ASXL3: variants seen among roughly 807,000 people sequenced by gnomAD.
The protein encoded by ASXL3 is ASXL transcriptional regulator 3, also known as putative Polycomb group protein ASXL3.
ASXL3 carries 34 observed loss-of-function variants against 170.6 expected under a neutral mutation model. That is an observed-to-expected ratio of 0.20 (90% CI 0.15 to 0.27). The LOEUF (loss-of-function observed/expected upper bound fraction) is 0.27. ASXL3 is among the 10% of genes least tolerant of loss of function. The pLI is 1.00. For synonymous variants in ASXL3, 1,002 were observed against 989.1 expected (o/e 1.01, Z -0.24); for missense variants, 2,592 against 2,695.3 (o/e 0.96, Z 0.85).
At chr18:33,584,103 T>G (rs903825173) in intron 1 of ASXL3, among the ~76,000 whole-genome samples, 1 of 152,110 alleles carries the variant, frequency 6.6e-6, no homozygotes, top group Non-Finnish European at 1.5e-5. Context: ...GCTCAATGGA[T>G]TAGGTGAAAC....
chr18:33,739,110 C>A lies in ASXL3; in HGVS notation c.1706C>A (p.Thr569Asn), dbSNP rs758147256. ...TCAGAAACTGCAGTAGAGACCAGTACCCCCAAAATAAAAACAGGGTCATCT... is the reference window on the plus strand; with the variant it reads ...TCAGAAACTGCAGTAGAGACCAGTAACCCCAAAATAAAAACAGGGTCATCT... ...KESETAVETS[T>N]PKIKTGSSSL... The change falls in exon 11 of 12, where the codon ACC becomes AAC. Residue 569 changes from threonine (T) to asparagine (N), a missense_variant. Coordinates refer to ENST00000269197, the MANE Select transcript of ASXL3 (RefSeq NM_030632.3). The A allele has an allele frequency of 1.7e-5, 27 of 1,613,134 alleles. No homozygotes were observed. The East Asian group carries it at 3.6e-4, about 21-fold the overall frequency.
chr18:33,722,199 A>G (rs1341082081), intron 8 of ASXL3, among the ~76,000 whole-genome samples: 2 of 152,080 alleles, frequency 1.3e-5, no homozygotes, highest in Non-Finnish European at 2.9e-5. Flanking sequence ...AATGGCCTCT[A>G]AGAGTTAAAG....
At chr18:33,627,236 G>T (rs925763113) in intron 2 of ASXL3, among the ~76,000 whole-genome samples, 1 of 152,168 alleles carries the variant, frequency 6.6e-6, no homozygotes. Flanking sequence ...AAGGTTATGA[G>T]AGTGATTCCC....
intron 1 of ASXL3, among the ~76,000 whole-genome samples, chr18:33,599,003 T>C (rs2065156878): frequency 6.6e-6 from 1 of 152,190 alleles, no homozygotes; most frequent in Non-Finnish European, 1.5e-5. Context: ...TGAACTCATA[T>C]GCATGTTAGA....
chr18:33,603,244 C>G (rs1265626797), intron 1 of ASXL3, among the ~76,000 whole-genome samples: 1 of 151,918 alleles, frequency 6.6e-6, no homozygotes, highest in African/African-American at 2.4e-5. Flanking sequence ...TTGAGAGACA[C>G]CAAGGAATTC....
intron 2 of ASXL3, among the ~76,000 whole-genome samples, chr18:33,619,814 G>A (rs1353604572): frequency 6.6e-6 from 1 of 152,038 alleles, no homozygotes; most frequent in Non-Finnish European, 1.5e-5. Flanking sequence ...CTACACTTGT[G>A]GAAACAATTG....
chr18:33,705,658 T>C (rs961198866), intron 8 of ASXL3, among the ~76,000 whole-genome samples: 1 of 151,896 alleles, frequency 6.6e-6, no homozygotes, highest in Non-Finnish European at 1.5e-5. Context: ...ACTGTATTTA[T>C]CTTTATTGTT....
chr18:33,739,077 A>G lies in ASXL3; in HGVS notation c.1673A>G (p.His558Arg). The change falls in exon 11 of 12, where the codon CAT (histidine) becomes CGT (arginine). Residue 558 changes from histidine to arginine, a missense_variant. Around this residue, in one of 4 missense-constraint regions of ASXL3, gnomAD observed 2,246 missense variants for 2,219.6 expected, o/e 1.01. Transcript: ENST00000269197. ...ATGACTCATGTCAGTGACACAGAAC[A>G]TAAGGAGTCAGAAACTGCAGTAGAG... ...SSMTHVSDTE[H>R]KESETAVETS... 1 of 1,613,286 alleles carries G rather than the reference A, an allele frequency of 6.2e-7. No homozygotes were observed. The highest frequency in any genetic ancestry group is 8.5e-7 in the Non-Finnish European group (1 of 1,179,650).
chr18:33,705,357 G>GT (rs1192314157), intron 8 of ASXL3, among the ~76,000 whole-genome samples: 4 of 148,010 alleles, frequency 2.7e-5, no homozygotes, highest in African/African-American at 9.9e-5. Context: ...TGGAAAATGT[G>GT]TTTTTTGTTT....
intron 7 of ASXL3, among the ~76,000 whole-genome samples, chr18:33,676,576 T>G (rs2066434139): frequency 1.3e-5 from 2 of 152,220 alleles, no homozygotes; most frequent in African/African-American, 2.4e-5. Flanking sequence ...ACTGTTCTGA[T>G]ATGCATAAAA....
chr18:33,628,720 CT>C (rs573212372), intron 2 of ASXL3, among the ~76,000 whole-genome samples: 2 of 148,292 alleles, frequency 1.3e-5, no homozygotes, highest in African/African-American at 4.9e-5. Context: ...TTTATAAAAG[CT>C]TTTTTTGTTT....
At chr18:33,654,255 A>G (rs1486939227) in intron 4 of ASXL3, among the ~76,000 whole-genome samples, 3 of 152,138 alleles carry the variant, frequency 2.0e-5, no homozygotes, top group East Asian at 3.9e-4. Flanking sequence ...ACAACAAACT[A>G]CTTCTCAAAA....
At chr18:33,656,652 A>G (rs1315397740) in intron 4 of ASXL3, among the ~76,000 whole-genome samples, 1 of 152,104 alleles carries the variant, frequency 6.6e-6, no homozygotes, top group Non-Finnish European at 1.5e-5. Context: ...TAAATAAGAC[A>G]ATGAGTAAAG....
At chr18:33,606,899 C>T (rs1475386795) in intron 1 of ASXL3, among the ~76,000 whole-genome samples, 1 of 151,976 alleles carries the variant, frequency 6.6e-6, no homozygotes, top group Non-Finnish European at 1.5e-5. Flanking sequence ...TGGAAATAAT[C>T]AGCTATGTCC....
chr18:33,625,688 A>G (rs1433573613), intron 2 of ASXL3: 1 of 152,110 alleles, frequency 6.6e-6, no homozygotes, highest in Non-Finnish European at 1.5e-5. Flanking sequence ...TGACATAGGA[A>G]CCAAAATATA....
At chr18:33,639,005 A>T (rs917865897) in intron 2 of ASXL3, among the ~76,000 whole-genome samples, 1 of 152,216 alleles carries the variant, frequency 6.6e-6, no homozygotes, top group African/African-American at 2.4e-5. Context: ...ATTAGAAATT[A>T]AAATCTTTTT....
chr18:33,678,388 A>G (rs1236897011), intron 7 of ASXL3, among the ~76,000 whole-genome samples: 1 of 152,184 alleles, frequency 6.6e-6, no homozygotes, highest in Non-Finnish European at 1.5e-5. Context: ...TGCACACTTC[A>G]TGCATAATCC....
chr18:33,585,735 A>G (rs2065029377), intron 1 of ASXL3, among the ~76,000 whole-genome samples: 1 of 152,250 alleles, frequency 6.6e-6, no homozygotes, highest in Non-Finnish European at 1.5e-5. Context: ...CTTTGGAGGA[A>G]CTTTTAGAAT....
chr18:33,746,579 G>A lies in ASXL3; in HGVS notation c.6731G>A (p.Cys2244Tyr), dbSNP rs1053198830. 2 of 1,590,000 alleles carry A rather than the reference G, an allele frequency of 1.3e-6. No homozygotes were observed. Among genetic ancestry groups the A allele is most frequent in the Non-Finnish European group, 1.7e-6 (2 of 1,165,506 alleles). The change falls in exon 12 of 12, where the codon TGC (cysteine) becomes TAC (tyrosine). Residue 2244 changes from cysteine (C) to tyrosine (Y), a missense_variant. Physicochemically the swap from Cys to Tyr is radical, Grantham distance 194. Coordinates refer to ENST00000269197, the MANE Select transcript of ASXL3 (RefSeq NM_030632.3). ...GGTCCTTCAAAACTTTGTGTAGCAT[G>A]CCTGGTTGTACGATAAGAGCTGAGT... Reference protein sequence around the residue: ...CIGPSKLCVACLVVR With the variant: ...CIGPSKLCVAYLVVR
Sources: allele counts gnomAD v4.1 joint callset (sites outside exome capture counted in the v4.1 genomes callset), GRCh38; gene constraint gnomAD v4.1.1; regional missense constraint gnomAD v4.1.1; transcripts MANE v1.5; gene names NCBI Gene and HGNC (gene_info 2026-07-23, HGNC 2026-07-21).